METTL15: variants seen among roughly 807,000 people sequenced by gnomAD.
The protein encoded by METTL15 is 12S rRNA N(4)-cytidine methyltransferase METTL15.
METTL15 carries 34 observed loss-of-function variants against 38.3 expected under a neutral mutation model. That is an observed-to-expected ratio of 0.89 (90% confidence interval 0.68 to 1.18). METTL15 has a LOEUF of 1.18. Ranked by LOEUF, METTL15 falls within the 50% of genes most tolerant of loss-of-function variation. The pLI, the probability that METTL15 is intolerant of heterozygous loss-of-function variation, is 0.00. For missense variants in METTL15, 438 were observed against 498.4 expected, an observed-to-expected ratio of 0.88 and a Z score of 1.15; for synonymous variants, 162 against 170.9, an observed-to-expected ratio of 0.95 and a Z score of 0.41.
rs143270297 is a variant in METTL15 at position 28,320,339 on chromosome 11, G to A, written c.779-10057G>A. Among the ~76,000 whole-genome samples, 23 of 151,934 alleles carry A rather than the reference G, an allele frequency of 1.5e-4. No homozygotes were observed. The East Asian group carries it at 1.6e-3, about 10-fold the overall frequency. On this transcript the variant is annotated intron_variant, in intron 6 of 6. Coordinates refer to ENST00000407364, the MANE Select transcript of METTL15 (RefSeq NM_001113528.2). Reference sequence around the variant, plus strand: ...GGGCAGCCAAGGTAGGAGGAATAGCGCTTGAGTTCAGGAGTTCAAGACCAG... The same window carrying A: ...GGGCAGCCAAGGTAGGAGGAATAGCACTTGAGTTCAGGAGTTCAAGACCAG...
At chr11:28,316,457 C>T (rs1307392368) in intron 6 of METTL15, among the ~76,000 whole-genome samples, 1 of 152,206 alleles carries the variant, frequency 6.6e-6, no homozygotes, top group Non-Finnish European at 1.5e-5. Context: ...TTTGATTTTA[C>T]AGTCTCATAA....
At chr11:28,378,847 G>T (rs890855946) in intron 5 of METTL15, among the ~76,000 whole-genome samples, 3 of 149,070 alleles carry the variant, frequency 2.0e-5, no homozygotes, top group Non-Finnish European at 4.4e-5. Context: ...AAGCCATCAG[G>T]TCCTGGGCTT....
chr11:28,144,423 A>G (rs1011945334), intron 3 of METTL15, among the ~76,000 whole-genome samples: 3 of 152,154 alleles, frequency 2.0e-5, no homozygotes, highest in African/African-American at 7.2e-5. Flanking sequence ...ACTCATACTC[A>G]TGTTTCACTG....
intron 3 of METTL15, among the ~76,000 whole-genome samples, chr11:28,151,115 A>G (rs987461465): frequency 2.8e-4 from 42 of 151,774 alleles, no homozygotes; most frequent in Non-Finnish European, 3.5e-4. Flanking sequence ...CATGATAAAT[A>G]TTTGGATCTG....
intron 3 of METTL15, among the ~76,000 whole-genome samples, chr11:28,205,114 A>C (rs1852270501): frequency 6.6e-6 from 1 of 151,676 alleles, no homozygotes; most frequent in Non-Finnish European, 1.5e-5. Flanking sequence ...TTTAATTTTT[A>C]TTTTATTATA....
chr11:28,285,862 G>GGA (rs2031447424), intron 4 of METTL15, among the ~76,000 whole-genome samples: 2 of 152,022 alleles, frequency 1.3e-5, no homozygotes, highest in Admixed American at 1.3e-4. Flanking sequence ...CCTGACCCCA[G>GGA]GAAGTATCTC....
chr11:28,292,072 T>C (rs549175068), intron 5 of METTL15, among the ~76,000 whole-genome samples: 4 of 152,182 alleles, frequency 2.6e-5, no homozygotes, highest in African/African-American at 7.2e-5. Flanking sequence ...TTATTTTTTA[T>C]TATACTTTAA....
intron 6 of METTL15, among the ~76,000 whole-genome samples, chr11:28,307,040 C>A (rs1287842897): frequency 6.6e-6 from 1 of 151,814 alleles, no homozygotes; most frequent in Non-Finnish European, 1.5e-5. Flanking sequence ...TAAGTTTCAT[C>A]ATTTCCCAAA....
At chr11:28,219,129 G>A (rs1853057864) in intron 4 of METTL15, among the ~76,000 whole-genome samples, 1 of 152,192 alleles carries the variant, frequency 6.6e-6, no homozygotes, top group African/African-American at 2.4e-5. Flanking sequence ...GTTTTCGAAG[G>A]AATGGTACCA....
chr11:28,160,863 T>G (rs1209737024), intron 3 of METTL15, among the ~76,000 whole-genome samples: 1 of 152,104 alleles, frequency 6.6e-6, no homozygotes, highest in Admixed American at 6.6e-5. Context: ...ATAACTTATT[T>G]AGGTAGCTCT....
intron 5 of METTL15, among the ~76,000 whole-genome samples, chr11:28,402,628 A>C (rs1850639869): frequency 6.6e-6 from 1 of 151,468 alleles, no homozygotes; most frequent in South Asian, 2.1e-4. Flanking sequence ...TAAATACTTA[A>C]CTTTTTTTAA....
chr11:28,115,258 C>T (rs1311612835), intron 3 of METTL15, among the ~76,000 whole-genome samples: 2 of 151,568 alleles, frequency 1.3e-5, no homozygotes, highest in Non-Finnish European at 2.9e-5. Context: ...TTTTCTTTCT[C>T]GTTTTCTTTT....
intron 3 of METTL15, among the ~76,000 whole-genome samples, chr11:28,163,154 G>GA (rs11461579): frequency 0.46 from 70,339 of 151,746 alleles, 17,840 homozygotes; most frequent in Admixed American, 0.56. Context: ...TGTGAAAAGT[G>GA]AAAAAAGTGT....
downstream of METTL15, among the ~76,000 whole-genome samples, chr11:28,529,152 A>G (rs2133520116): frequency 6.6e-6 from 1 of 152,286 alleles, no homozygotes; most frequent in Non-Finnish European, 1.5e-5. Context: ...CTTAGTTGAA[A>G]CCACTAATGA....
At chr11:28,206,432 A>G (rs1198073793) in intron 3 of METTL15, among the ~76,000 whole-genome samples, 1 of 151,990 alleles carries the variant, frequency 6.6e-6, no homozygotes, top group Non-Finnish European at 1.5e-5. Flanking sequence ...GTATGGTATT[A>G]TTTCTGAGGG....
intron 5 of METTL15, among the ~76,000 whole-genome samples, chr11:28,371,518 G>A (rs1011610029): frequency 1.3e-5 from 2 of 151,914 alleles, no homozygotes; most frequent in Admixed American, 1.3e-4. Context: ...GTGCTCTGTT[G>A]TGGTTCCGTA....
intron 4 of METTL15, among the ~76,000 whole-genome samples, chr11:28,288,849 G>C (rs1856396305): frequency 6.6e-6 from 1 of 152,004 alleles, no homozygotes; most frequent in African/African-American, 2.4e-5. Context: ...ACAAACTTCT[G>C]TTTCATCTGG....
chr11:28,501,404 G>A (rs572896389), intron 6 of METTL15, among the ~76,000 whole-genome samples: 8 of 152,290 alleles, frequency 5.3e-5, no homozygotes, highest in South Asian at 4.1e-4. Flanking sequence ...TGAATGTAGC[G>A]CTTTAGAACC....
At chr11:28,205,498 G>C (rs1347009701) in intron 3 of METTL15, among the ~76,000 whole-genome samples, 2 of 151,956 alleles carry the variant, frequency 1.3e-5, no homozygotes, top group East Asian at 1.9e-4. Flanking sequence ...TCTTAATCCA[G>C]TCTATCATTG....
Sources: allele counts gnomAD v4.1 joint callset (sites outside exome capture counted in the v4.1 genomes callset), GRCh38; gene constraint gnomAD v4.1.1; transcripts MANE v1.5; gene names NCBI Gene and HGNC (gene_info 2026-07-23, HGNC 2026-07-21).